CENPC: variants seen among roughly 807,000 people sequenced by gnomAD.
CENPC encodes CENP-C 1.
A neutral mutation model predicts 112.1 loss-of-function variants in CENPC; 63 were observed. That is an observed-to-expected ratio of 0.56 (90% CI 0.46 to 0.69). The LOEUF (loss-of-function observed/expected upper bound fraction) is 0.69, where lower values mean the gene tolerates loss of function less well. Among genes scored for constraint, CENPC ranks in the 30% least tolerant of loss-of-function variants. The probability of loss-of-function intolerance (pLI) is 0.00; values close to 1 mark genes in which losing one functional copy is unlikely to be tolerated. For missense variants in CENPC, 1,000 were observed against 1,103.8 expected, an observed-to-expected ratio of 0.91 and a Z score of 1.33; for synonymous variants, 333 against 367.6, an observed-to-expected ratio of 0.91 and a Z score of 1.08.
At chr4:67,477,086 GC>G (rs2109759914) in intron 17 of CENPC, among the ~76,000 whole-genome samples, 1 of 152,150 alleles carries the variant, frequency 6.6e-6, no homozygotes, top group East Asian at 1.9e-4. Context: ...TTCTCTAACT[GC>G]CCTGTAGCCT....
At chr4:67,506,066 C>T (rs1725724003) in intron 11 of CENPC, among the ~76,000 whole-genome samples, 1 of 152,094 alleles carries the variant, frequency 6.6e-6, no homozygotes, top group African/African-American at 2.4e-5. Flanking sequence ...TAGTCATAAC[C>T]TCACAAATAG....
At chr4:67,495,331 AT>A in intron 12 of CENPC, 119 bp from the exon 13 acceptor site, 1 of 900,950 alleles carries the variant, frequency 1.1e-6, no homozygotes, top group Non-Finnish European at 1.6e-6. Flanking sequence ...CTGATAATGT[AT>A]TTTATTACTC....
chr4:67,539,033 CAT>C (rs1317275810), intron 4 of CENPC, among the ~76,000 whole-genome samples: 2 of 152,042 alleles, frequency 1.3e-5, no homozygotes, highest in Non-Finnish European at 2.9e-5. Flanking sequence ...CCTGTAAGAA[CAT>C]TTTTCAAAAA....
At chr4:67,543,584 A>G (rs936563877) in intron 2 of CENPC, among the ~76,000 whole-genome samples, 5 of 152,200 alleles carry the variant, frequency 3.3e-5, no homozygotes, top group Admixed American at 3.3e-4. Flanking sequence ...CAGAAATCTA[A>G]GCTTCTTGTA....
chr4:67,526,566 G>A (rs957694049), intron 5 of CENPC, among the ~76,000 whole-genome samples: 7 of 151,362 alleles, frequency 4.6e-5, no homozygotes, highest in Middle Eastern at 6.8e-3. Context: ...TGATTTCACC[G>A]GAGACTGTTA....
intron 17 of CENPC, among the ~76,000 whole-genome samples, chr4:67,483,152 A>G (rs984399507): frequency 6.6e-6 from 1 of 152,162 alleles, no homozygotes; most frequent in Non-Finnish European, 1.5e-5. Flanking sequence ...CAGAACTGTG[A>G]GTCAATTAAA....
chr4:67,514,009 A>C (rs1192343073), intron 8 of CENPC, 65 bp downstream of exon 8: 1 of 1,424,670 alleles, frequency 7.0e-7, no homozygotes, highest in Non-Finnish European at 9.2e-7. Context: ...AAGCTAAGTT[A>C]GGATATTAAA....
chr4:67,545,356 G>A lies in CENPC; in HGVS notation c.-1C>T. On this transcript the variant is annotated 5_prime_UTR_variant, in exon 1 of 19. Coordinates refer to ENST00000273853, the MANE Select transcript of CENPC (RefSeq NM_001812.4). ...CACTTACCAGACCGGACGCAGCCAT[G>A]TTCCGGCCCCGCTGAGCCAGCGCAA... 6.6e-7 allele frequency: 1 copy of A among 1,525,746 alleles called. No homozygotes were observed. The allele number at this position is 1,525,746 out of a possible 1,614,324, so 94.5% of individuals were successfully genotyped here. A position where few individuals can be genotyped will look rare whatever the true frequency, so the allele number is the denominator to read the frequency against.
chr4:67,545,191 C>T, intron 1 of CENPC, 147 bp downstream of exon 1: 4 of 715,260 alleles, frequency 5.6e-6, no homozygotes, highest in Non-Finnish European at 6.3e-6. Context: ...CACGATCACA[C>T]TTGATTTCAA....
At chr4:67,506,463 T>C (rs355512) in intron 11 of CENPC, among the ~76,000 whole-genome samples, 95,800 of 151,996 alleles carry the variant, frequency 0.63, 30,445 homozygotes, top group East Asian at 0.81. Context: ...GAGGGCCACA[T>C]GGTTAAGAAA....
rs573582347 is a variant in CENPC at position 67,475,393 on chromosome 4, C to A, written c.2671-415G>T. 7.9e-4 allele frequency among the ~76,000 whole-genome samples: 121 copies of A among 152,340 alleles called. 2 individuals carry two copies. The highest frequency in any genetic ancestry group is 2.8e-3 in the African/African-American group (118 of 41,582). On this transcript the variant is annotated intron_variant, in intron 17 of 18. Coordinates refer to ENST00000273853, the MANE Select transcript of CENPC (RefSeq NM_001812.4). ...CAACAGCCAGTGAGGAAATGGGAAC[C>A]TCAGTCCCACAACCACTTAAAACTG...
chr4:67,545,067 A>C (rs554380256), intron 1 of CENPC, among the ~76,000 whole-genome samples: 4 of 152,146 alleles, frequency 2.6e-5, no homozygotes, highest in African/African-American at 7.2e-5. Context: ...ACAAAAAAAA[A>C]CCCAGCAGAA....
chr4:67,509,201 TACACATACACACAC>T (rs2109798099), intron 9 of CENPC, 96 bp from the exon 10 acceptor site: 1 of 576,180 alleles, frequency 1.7e-6, no homozygotes, highest in East Asian at 2.9e-5. Flanking sequence ...TATAAACATA[TACACATACACACAC>T]ACACACACAC....
intron 5 of CENPC, among the ~76,000 whole-genome samples, chr4:67,527,976 AAAC>A (rs938678971): frequency 1.3e-5 from 2 of 152,192 alleles, no homozygotes; most frequent in African/African-American, 4.8e-5. Flanking sequence ...CATCATTATT[AAAC>A]AACACTGACT....
intron 17 of CENPC, 53 bp from the exon 18 acceptor site, chr4:67,475,031 C>G (rs1724765506): frequency 1.2e-6 from 1 of 842,676 alleles, no homozygotes; most frequent in Non-Finnish European, 1.8e-6. Context: ...GATAATACTT[C>G]AAAGGAACCT....
rs542301054 is a variant in CENPC, at chr4:67,487,896, C to T, written c.2670+2071G>A. Among the ~76,000 whole-genome samples the T allele has an allele frequency of 2.3e-4, 35 of 151,666 alleles. No homozygotes were observed. The East Asian group carries it at 6.6e-3, about 28-fold the overall frequency. ...TTAATGGCCTATGCTGGTTCTCCAT[C>T]TTGTCCTGTTTATTATCTTTTTCAA... On this transcript the variant is annotated intron_variant, in intron 17 of 18. Coordinates refer to ENST00000273853, the MANE Select transcript of CENPC (RefSeq NM_001812.4).
intron 17 of CENPC, among the ~76,000 whole-genome samples, chr4:67,476,819 T>C (rs1264987213): frequency 1.3e-5 from 2 of 152,124 alleles, no homozygotes; most frequent in South Asian, 2.1e-4. Flanking sequence ...GATACAAACT[T>C]GGTTTGGTGG....
chr4:67,493,907 A>G lies in CENPC; in HGVS notation c.2267T>C (p.Ile756Thr), dbSNP rs765110563. The G allele has an allele frequency of 1.4e-5, 23 of 1,612,338 alleles. No individual in the cohort carries two copies. The highest frequency in any genetic ancestry group is 2.0e-5 in the Non-Finnish European group (23 of 1,178,994). The stretch of plus-strand genomic sequence containing the variant: ...ACCTGATGGCCTTCCTTGATAATCT[A>G]TTCGCTCTCCTCGCCAGTACTCCAA... ...KPLEYWRGERIDYQGRPSGGF... is the reference protein window; with the variant it reads ...KPLEYWRGERTDYQGRPSGGF... The change falls in exon 14 of 19, where the codon ATA (isoleucine) becomes ACA (threonine). Residue 756 changes from isoleucine (I) to threonine (T), a missense_variant. Physicochemically the swap from Ile to Thr is moderately conservative, Grantham distance 89. Coordinates refer to ENST00000273853, the MANE Select transcript of CENPC (RefSeq NM_001812.4).
chr4:67,478,089 T>C (rs1018371041), intron 17 of CENPC, among the ~76,000 whole-genome samples: 5 of 152,158 alleles, frequency 3.3e-5, no homozygotes, highest in African/African-American at 1.2e-4. Flanking sequence ...TTGGTGTTCC[T>C]GAGGAAGAAG....
Sources: allele counts gnomAD v4.1 joint callset (sites outside exome capture counted in the v4.1 genomes callset), GRCh38; gene constraint gnomAD v4.1.1; transcripts MANE v1.5; gene names NCBI Gene and HGNC (gene_info 2026-07-23, HGNC 2026-07-21).